Variants in EEA1 observed in about 807,000 individuals in gnomAD.
EEA1 encodes the protein early endosome antigen 1.
Under a neutral mutation model 209.2 loss-of-function variants are expected in EEA1, and 111 were observed. The observed-to-expected ratio is 0.53, with a 90% CI of 0.45 to 0.62. The LOEUF is 0.62. Among genes scored for constraint, EEA1 ranks in the 20% least tolerant of loss-of-function variants. The pLI is 0.00. For missense variants in EEA1, 1,343 were observed against 1,530.8 expected (o/e 0.88, Z 2.05); for synonymous variants, 536 against 540.6 (o/e 0.99, Z 0.12).
chr12:92,828,292 T>C (rs779499366), intron 11 of EEA1, among the ~76,000 whole-genome samples: 1 of 152,184 alleles, frequency 6.6e-6, no homozygotes, highest in Non-Finnish European at 1.5e-5. Context: ...ATTTTTGTTT[T>C]TGTGTTATGT....
At chr12:92,826,965 T>C (rs1019409422) in intron 12 of EEA1, among the ~76,000 whole-genome samples, 7 of 152,184 alleles carry the variant, frequency 4.6e-5, no homozygotes, top group African/African-American at 1.7e-4. Flanking sequence ...GTCATAATTA[T>C]CACTTATTGG....
intron 2 of EEA1, among the ~76,000 whole-genome samples, chr12:92,889,006 G>A (rs560230406): frequency 2.6e-5 from 4 of 151,978 alleles, no homozygotes; most frequent in Non-Finnish European, 4.4e-5. Context: ...AAAAAAATTC[G>A]CAGGGTGTGG....
At chr12:92,850,238 G>C (rs1877552250) in intron 9 of EEA1, among the ~76,000 whole-genome samples, 1 of 152,172 alleles carries the variant, frequency 6.6e-6, no homozygotes, top group Non-Finnish European at 1.5e-5. Flanking sequence ...ACAAATGTCA[G>C]CTCAATAAAA....
intron 9 of EEA1, among the ~76,000 whole-genome samples, chr12:92,845,287 G>A (rs1877344103): frequency 6.6e-6 from 1 of 152,084 alleles, no homozygotes; most frequent in African/African-American, 2.4e-5. Context: ...AGTGAGGAGA[G>A]TGAATTCTGG....
At chr12:92,779,407 C>T in intron 24 of EEA1, 107 bp from the exon 25 acceptor site, 1 of 1,006,556 alleles carries the variant, frequency 9.9e-7, no homozygotes, top group Non-Finnish European at 1.4e-6. Context: ...TAGGTTTTAC[C>T]CACTTATGAA....
intron 6 of EEA1, among the ~76,000 whole-genome samples, chr12:92,853,677 A>C (rs368760794): frequency 6.6e-6 from 1 of 152,192 alleles, no homozygotes; most frequent in East Asian, 1.9e-4. Context: ...AATATTCCAG[A>C]AGTTTCTTAC....
At chr12:92,895,149 T>G (rs1879818488) in intron 1 of EEA1, among the ~76,000 whole-genome samples, 1 of 16,352 alleles carries the variant, frequency 6.1e-5, no homozygotes, top group Non-Finnish European at 1.3e-4. Flanking sequence ...TTTTTTTTTT[T>G]TTTTTTTTTT....
intron 14 of EEA1, among the ~76,000 whole-genome samples, chr12:92,818,470 C>T (rs148265125): frequency 9.2e-5 from 14 of 152,198 alleles, no homozygotes; most frequent in African/African-American, 3.1e-4. Flanking sequence ...CCAATATGGC[C>T]AGAAACAGAT....
chr12:92,914,456 T>C (rs940458904), intron 1 of EEA1, among the ~76,000 whole-genome samples: 4 of 152,076 alleles, frequency 2.6e-5, no homozygotes, highest in Admixed American at 2.0e-4. Flanking sequence ...GGTTATTCGC[T>C]CTCTTTTTTG....
At chr12:92,807,382 A>T (rs1875265152) in intron 18 of EEA1, among the ~76,000 whole-genome samples, 1 of 152,176 alleles carries the variant, frequency 6.6e-6, no homozygotes, top group African/African-American at 2.4e-5. Flanking sequence ...TAAGATTAGA[A>T]ATAATGCAAA....
At chr12:92,845,319 G>A (rs533348704) in intron 9 of EEA1, among the ~76,000 whole-genome samples, 1 of 152,152 alleles carries the variant, frequency 6.6e-6, no homozygotes, top group African/African-American at 2.4e-5. Context: ...CTTTTCTATT[G>A]CACATTATGA....
At position 92,829,791 on chromosome 12, in the gene EEA1, A is replaced by C. The variant is rs575586082; in HGVS notation, c.1255-1730T>G. On this transcript the variant is annotated intron_variant, in intron 11 of 28. Coordinates refer to ENST00000322349, the MANE Select transcript of EEA1 (RefSeq NM_003566.4). Reference sequence around the variant, plus strand: ...GAAACTCTGTCTTAAAAAAAAAAAAAAAAAACAAAAAACAAGCCAAATGCC... The same window carrying C: ...GAAACTCTGTCTTAAAAAAAAAAAACAAAAACAAAAAACAAGCCAAATGCC... 1.4e-4 allele frequency among the ~76,000 whole-genome samples: 20 copies of C among 141,072 alleles called. 1 individual carries two copies. The highest frequency in any genetic ancestry group is 1.6e-4 in the Admixed American group (2 of 12,874). 92.5% of individuals were successfully genotyped at this position (141,072 alleles called of 152,430 possible).
intron 2 of EEA1, chr12:92,883,770 C>T (rs1289620818): frequency 8.3e-6 from 12 of 1,441,028 alleles, no homozygotes; most frequent in South Asian, 5.8e-5. Context: ...TTCTCCCTTC[C>T]GTCATGTCTA....
chr12:92,802,263 T>C, intron 19 of EEA1, 141 bp downstream of exon 19: 1 of 748,396 alleles, frequency 1.3e-6, no homozygotes. Flanking sequence ...GGTTAAGCAA[T>C]CCCAATTAAT....
At chr12:92,841,313 T>C (rs1255519249) in intron 10 of EEA1, among the ~76,000 whole-genome samples, 1 of 151,888 alleles carries the variant, frequency 6.6e-6, no homozygotes, top group Non-Finnish European at 1.5e-5. Flanking sequence ...CAAAATTAAA[T>C]CAAAATGGAT....
chr12:92,775,003 A>T lies in EEA1; in HGVS notation c.*1008T>A, dbSNP rs1483407707. 2.6e-5 allele frequency: 4 copies of T among 151,770 alleles called. No homozygotes were observed. In the East Asian group the frequency reaches 5.8e-4, roughly 22 times the overall value. 9.4% of individuals were successfully genotyped at this position (151,770 alleles called of 1,614,324 possible). A position where few individuals can be genotyped will look rare whatever the true frequency, so the allele number is the denominator to read the frequency against. ...GCAAAATTATAAAACAAATACATGAAGCTGATCTATGCTTGAAAATGTTAA... is the reference window on the plus strand; with the variant it reads ...GCAAAATTATAAAACAAATACATGATGCTGATCTATGCTTGAAAATGTTAA... On this transcript the variant is annotated 3_prime_UTR_variant, in exon 29 of 29. Transcript: ENST00000322349.
intron 2 of EEA1, chr12:92,883,921 A>T: frequency 6.4e-7 from 1 of 1,557,316 alleles, no homozygotes; most frequent in Non-Finnish European, 8.8e-7. Context: ...GAGAGATCCA[A>T]ACACAGAGCA....
chr12:92,826,265 A>G lies in EEA1; in HGVS notation c.1425T>C (p.Asn475=). 1.2e-6 allele frequency: 2 copies of G among 1,612,422 alleles called. No individual in the cohort carries two copies. The highest frequency in any genetic ancestry group is 1.7e-6 in the Non-Finnish European group (2 of 1,178,798). Residue 475 remains asparagine, a synonymous_variant, in exon 13 of 29, where the codon AAT becomes AAC. Coordinates refer to ENST00000322349, the MANE Select transcript of EEA1 (RefSeq NM_003566.4). The part of the protein sequence containing the change: ...LEEQLKEKVT[N]STELQHQLDK... ...CTAATTGATGCTGCAATTCTGTAGA[A>G]TTTGTAACTTTTTCCTTCAACTTAA...
intron 1 of EEA1, among the ~76,000 whole-genome samples, chr12:92,902,048 G>T (rs375276819): frequency 3.9e-5 from 6 of 152,180 alleles, no homozygotes; most frequent in African/African-American, 1.2e-4. Flanking sequence ...AAAGTGATAG[G>T]CTGGGCACAA....
Sources: gnomAD v4.1 joint callset for allele counts (sites outside exome capture counted in the v4.1 genomes callset) on GRCh38, gnomAD v4.1.1 for gene constraint, MANE v1.5 for transcripts, NCBI Gene and HGNC (gene_info 2026-07-23, HGNC 2026-07-21) for gene names.